The following NRXN3 variants were observed in gnomAD, a reference collection of about 807,000 sequenced individuals.
NRXN3 encodes the protein neurexin 3.
Under a neutral mutation model 137.6 loss-of-function variants are expected in NRXN3, and 32 were observed. The ratio of observed to expected loss-of-function variants is 0.23; its 90% CI spans 0.18 to 0.31. NRXN3 has a LOEUF of 0.31. Among genes scored for constraint, NRXN3 ranks in the 10% least tolerant of loss-of-function variants. The pLI is 1.00. For synonymous variants in NRXN3, 798 were observed against 784.5 expected, an observed-to-expected ratio of 1.02 and a Z score of -0.29; for missense variants, 1,574 against 2,062.5, an observed-to-expected ratio of 0.76 and a Z score of 4.59.
chr14:78,948,288 T>C (rs2099372718), intron 10 of NRXN3, among the ~76,000 whole-genome samples: 2 of 152,190 alleles, frequency 1.3e-5, no homozygotes, highest in South Asian at 2.1e-4. Flanking sequence ...GCTTAAAACA[T>C]AGGAGGTTGG....
intron 20 of NRXN3, among the ~76,000 whole-genome samples, chr14:79,842,158 G>A (rs1367367881): frequency 6.6e-6 from 1 of 152,180 alleles, no homozygotes; most frequent in Non-Finnish European, 1.5e-5. Flanking sequence ...TCTGTGGACT[G>A]CGGACAAAGA....
intron 10 of NRXN3, among the ~76,000 whole-genome samples, chr14:78,942,575 C>T (rs149365135): frequency 7.7e-4 from 117 of 152,110 alleles, no homozygotes; most frequent in Middle Eastern, 3.4e-3. Context: ...AAAAATTGAT[C>T]TCATAGAAAT....
intron 4 of NRXN3, among the ~76,000 whole-genome samples, chr14:78,312,596 C>G (rs762412460): frequency 7.2e-6 from 1 of 139,564 alleles, no homozygotes; most frequent in Admixed American, 6.9e-5. Context: ...TTTTTTTTTT[C>G]AAGTGAGAGT....
At chr14:79,783,506 T>C (rs954215274) in intron 19 of NRXN3, among the ~76,000 whole-genome samples, 1 of 152,210 alleles carries the variant, frequency 6.6e-6, no homozygotes, top group Non-Finnish European at 1.5e-5. Flanking sequence ...CATTGCTGTA[T>C]TGCCTAGAAC....
rs1234948725 is a variant in NRXN3, at chr14:79,738,552, G to GT, written c.4014+40620dup. On this transcript the variant is annotated intron_variant, in intron 19 of 20. Coordinates refer to ENST00000335750, the MANE Select transcript of NRXN3 (RefSeq NM_001330195.2). ...TCCAGAACTATGAGAAAATAAATGT[G>GT]TTTTTGTTTTGTTTTGTTTTTTTGA... Among the ~76,000 whole-genome samples, 7 of 152,030 alleles carry GT rather than the reference G, an allele frequency of 4.6e-5. No homozygotes were observed. In the South Asian group the frequency reaches 1.4e-3, roughly 31 times the overall value.
At chr14:79,187,324 T>G (rs2153160739) in intron 15 of NRXN3, among the ~76,000 whole-genome samples, 1 of 152,348 alleles carries the variant, frequency 6.6e-6, no homozygotes, top group Non-Finnish European at 1.5e-5. Flanking sequence ...AACATTTGTT[T>G]CCAGGAACTG....
chr14:78,454,555 C>G (rs2094635277), intron 4 of NRXN3, among the ~76,000 whole-genome samples: 1 of 152,236 alleles, frequency 6.6e-6, no homozygotes, highest in Non-Finnish European at 1.5e-5. Flanking sequence ...ACTGCTGTCT[C>G]TCCTGAGAGG....
At chr14:79,451,929 C>T (rs747865650) in intron 15 of NRXN3, among the ~76,000 whole-genome samples, 7 of 152,172 alleles carry the variant, frequency 4.6e-5, no homozygotes, top group East Asian at 1.9e-4. Context: ...GCAGACCCAG[C>T]GTTCAAATGC....
chr14:79,513,508 G>T (rs968596190), intron 16 of NRXN3, among the ~76,000 whole-genome samples: 1 of 152,148 alleles, frequency 6.6e-6, no homozygotes, highest in African/African-American at 2.4e-5. Context: ...GTGAATAAAA[G>T]AAGACAAAAC....
intron 15 of NRXN3, among the ~76,000 whole-genome samples, chr14:79,204,844 T>G (rs2066567439): frequency 6.6e-6 from 1 of 152,234 alleles, no homozygotes; most frequent in South Asian, 2.1e-4. Context: ...AATCACTGCT[T>G]TTTGGACAGT....
intron 15 of NRXN3, among the ~76,000 whole-genome samples, chr14:79,427,486 C>T (rs1439493204): frequency 1.3e-5 from 2 of 152,018 alleles, no homozygotes. Flanking sequence ...CAAAATTGTT[C>T]TTCTTGAAAG....
intron 4 of NRXN3, among the ~76,000 whole-genome samples, chr14:78,407,194 G>A (rs79931697): frequency 0.082 from 12,449 of 152,068 alleles, 777 homozygotes; most frequent in African/African-American, 0.18. Context: ...AAAACAGAGA[G>A]CTCATTTTTC....
chr14:79,733,850 C>T (rs2098932914), intron 19 of NRXN3, among the ~76,000 whole-genome samples: 1 of 152,122 alleles, frequency 6.6e-6, no homozygotes, highest in Non-Finnish European at 1.5e-5. Flanking sequence ...TCAGCACAGA[C>T]ATATTCCTAC....
intron 16 of NRXN3, among the ~76,000 whole-genome samples, chr14:79,635,179 G>A (rs759183010): frequency 1.6e-4 from 25 of 152,130 alleles, no homozygotes; most frequent in Non-Finnish European, 1.5e-5. Flanking sequence ...ACATCACATT[G>A]TACCCCATAA....
intron 4 of NRXN3, among the ~76,000 whole-genome samples, chr14:78,506,804 G>A (rs1258940707): frequency 6.6e-6 from 1 of 151,772 alleles, no homozygotes; most frequent in African/African-American, 2.4e-5. Flanking sequence ...CAAGTGGCTA[G>A]GAGTACAGGT....
At chr14:79,320,882 C>T (rs1284455462) in intron 15 of NRXN3, among the ~76,000 whole-genome samples, 1 of 151,764 alleles carries the variant, frequency 6.6e-6, no homozygotes, top group East Asian at 1.9e-4. Context: ...TGCTAGTTTC[C>T]CAGTGCCAAG....
intron 15 of NRXN3, among the ~76,000 whole-genome samples, chr14:79,456,119 T>C (rs2096253781): frequency 6.6e-6 from 1 of 152,198 alleles, no homozygotes; most frequent in African/African-American, 2.4e-5. Context: ...GAGTACTGTT[T>C]GTTCAATAAC....
intron 4 of NRXN3, among the ~76,000 whole-genome samples, chr14:78,532,375 T>TTGTGTGTGTGTGTGTG (rs56788209): frequency 5.8e-5 from 8 of 138,660 alleles, no homozygotes; most frequent in African/African-American, 2.2e-4. Context: ...TGATGATATT[T>TTGTGTGTGTGTGTGTG]TGTGTGTGTG....
chr14:78,309,011 T>C (rs2077658439), intron 4 of NRXN3, among the ~76,000 whole-genome samples: 1 of 152,146 alleles, frequency 6.6e-6, no homozygotes, highest in Admixed American at 6.6e-5. Context: ...TTGTGTGCTA[T>C]GAAGTTGATG....
Sources: allele counts gnomAD v4.1 joint callset (sites outside exome capture counted in the v4.1 genomes callset), GRCh38; gene constraint gnomAD v4.1.1; transcripts MANE v1.5; gene names NCBI Gene and HGNC (gene_info 2026-07-23, HGNC 2026-07-21).